Variants in MAF observed in about 807,000 individuals in gnomAD.
MAF encodes transcription factor Maf.
In MAF, 10 loss-of-function variants were observed where a neutral mutation model predicts 22.0. That is an observed-to-expected ratio of 0.45 (90% CI 0.28 to 0.77). The LOEUF (loss-of-function observed/expected upper bound fraction) is 0.77, where lower values mean the gene tolerates loss of function less well. MAF is among the 30% of genes least tolerant of loss of function. MAF has a pLI of 0.12. For missense variants in MAF, 544 were observed against 548.4 expected (o/e 0.99, Z 0.08); for synonymous variants, 337 against 255.8 (o/e 1.32, Z -3.03).
At chr16:79,518,224 GT>G in the MAF span, among the ~76,000 whole-genome samples, 1 of 152,168 alleles carries the variant, frequency 6.6e-6, no homozygotes. Flanking sequence ...GGGACCTGAG[GT>G]TTCACCCAAG....
At chr16:79,331,616 G>A in the MAF span, among the ~76,000 whole-genome samples, 1 of 152,100 alleles carries the variant, frequency 6.6e-6, no homozygotes, top group Non-Finnish European at 1.5e-5. Flanking sequence ...CCGCCTCCCT[G>A]TTTCCTCTGG....
chr16:79,543,690 C>CT, the MAF span, among the ~76,000 whole-genome samples: 279 of 116,594 alleles, frequency 2.4e-3, no homozygotes, highest in Non-Finnish European at 2.9e-3. Context: ...TTTTTTTTTT[C>CT]TTTTTTTTTT....
chr16:79,213,163 G>A, the MAF span, among the ~76,000 whole-genome samples: 1 of 152,134 alleles, frequency 6.6e-6, no homozygotes, highest in Non-Finnish European at 1.5e-5. Context: ...TGGCAAGACG[G>A]AGAAAATGCT....
the MAF span, among the ~76,000 whole-genome samples, chr16:79,401,547 T>C: frequency 6.6e-6 from 1 of 152,180 alleles, no homozygotes; most frequent in Non-Finnish European, 1.5e-5. Flanking sequence ...TTGCTCTTTC[T>C]ACAAAATAAG....
the MAF span, among the ~76,000 whole-genome samples, chr16:79,366,938 C>A: frequency 7.2e-5 from 11 of 152,176 alleles, no homozygotes; most frequent in Non-Finnish European, 1.6e-4. Flanking sequence ...TATCTCAGGG[C>A]TTGGTATATA....
the MAF span, among the ~76,000 whole-genome samples, chr16:79,256,683 C>T: frequency 6.6e-6 from 1 of 152,154 alleles, no homozygotes; most frequent in Non-Finnish European, 1.5e-5. Flanking sequence ...TTCTGAGTTC[C>T]AGACACTGCC....
chr16:79,409,822 G>A, the MAF span, among the ~76,000 whole-genome samples: 3 of 152,180 alleles, frequency 2.0e-5, no homozygotes, highest in African/African-American at 4.8e-5. Flanking sequence ...AAATGAAAAT[G>A]TTCGATATCT....
chr16:79,209,980 G>C, the MAF span, among the ~76,000 whole-genome samples: 1 of 152,186 alleles, frequency 6.6e-6, no homozygotes, highest in South Asian at 2.1e-4. Context: ...ATTTGGAGTG[G>C]GCATGATAAT....
the MAF span, among the ~76,000 whole-genome samples, chr16:79,455,240 C>G: frequency 6.6e-6 from 1 of 152,144 alleles, no homozygotes; most frequent in African/African-American, 2.4e-5. Flanking sequence ...ATGGTATATT[C>G]CAAGCTAATT....
At chr16:79,406,548 T>G in the MAF span, among the ~76,000 whole-genome samples, 1 of 152,136 alleles carries the variant, frequency 6.6e-6, no homozygotes. Context: ...CCAGGGCCTC[T>G]TTTAGAAAGC....
the MAF span, among the ~76,000 whole-genome samples, chr16:79,520,125 A>G: frequency 6.6e-6 from 1 of 152,228 alleles, no homozygotes; most frequent in Non-Finnish European, 1.5e-5. Flanking sequence ...TGGCTCAACC[A>G]TTCAGCAGGC....
chr16:79,393,662 A>T, the MAF span, among the ~76,000 whole-genome samples: 4 of 152,160 alleles, frequency 2.6e-5, no homozygotes, highest in African/African-American at 7.2e-5. Context: ...TTATTCCAGA[A>T]AGGTGGTCCA....
At chr16:79,221,513 C>G in the MAF span, among the ~76,000 whole-genome samples, 2 of 152,266 alleles carry the variant, frequency 1.3e-5, no homozygotes, top group South Asian at 4.1e-4. Context: ...ATCTGAATAG[C>G]AAATATTAAT....
the MAF span, among the ~76,000 whole-genome samples, chr16:79,502,378 T>A: frequency 5.3e-5 from 8 of 152,178 alleles, 1 homozygote; most frequent in South Asian, 1.7e-3. Flanking sequence ...GACTAAAGAC[T>A]CATCAGGCTA....
chr16:79,311,324 G>A, the MAF span, among the ~76,000 whole-genome samples: 2 of 152,158 alleles, frequency 1.3e-5, no homozygotes, highest in Middle Eastern at 3.4e-3. Context: ...GTGTCACGCA[G>A]GTATTGGCCC....
the MAF span, among the ~76,000 whole-genome samples, chr16:79,503,698 G>C: frequency 6.6e-6 from 1 of 152,182 alleles, no homozygotes; most frequent in African/African-American, 2.4e-5. Flanking sequence ...GAGTGTTCCT[G>C]CTTCCCTTTT....
the MAF span, among the ~76,000 whole-genome samples, chr16:79,488,867 C>T: frequency 4.6e-5 from 7 of 152,142 alleles, no homozygotes; most frequent in African/African-American, 7.2e-5. Context: ...TTAAGAAGAA[C>T]TGAAATGACT....
chr16:79,276,466 C>G, the MAF span, among the ~76,000 whole-genome samples: 31,504 of 152,144 alleles, frequency 0.21, 3,886 homozygotes, highest in East Asian at 0.61. Flanking sequence ...CTCCATTACA[C>G]AAGCTGGAAG....
chr16:79,470,357 G>A, the MAF span, among the ~76,000 whole-genome samples: 2 of 152,040 alleles, frequency 1.3e-5, no homozygotes, highest in Non-Finnish European at 2.9e-5. Context: ...ATGTTACTGA[G>A]CCCCCCCAGG....
Sources: gnomAD v4.1 joint callset for allele counts (sites outside exome capture counted in the v4.1 genomes callset) on GRCh38, gnomAD v4.1.1 for gene constraint, MANE v1.5 for transcripts, NCBI Gene and HGNC (gene_info 2026-07-23, HGNC 2026-07-21) for gene names.